The following SH3RF3 variants were observed in gnomAD, a reference collection of about 807,000 sequenced individuals.
SH3RF3 encodes the protein E3 ubiquitin-protein ligase SH3RF3.
Under a neutral mutation model 66.3 loss-of-function variants are expected in SH3RF3, and 29 were observed. That is an observed-to-expected ratio of 0.44 (90% confidence interval 0.33 to 0.60). SH3RF3 has a LOEUF of 0.60. Ranked by LOEUF, SH3RF3 falls within the 20% of genes least tolerant of loss-of-function variation. The pLI is 0.04. For synonymous variants in SH3RF3, 583 were observed against 532.0 expected, an observed-to-expected ratio of 1.10 and a Z score of -1.32; for missense variants, 1,194 against 1,190.9, an observed-to-expected ratio of 1.00 and a Z score of -0.04.
chr2:109,496,849 G>T (rs1679274284), intron 9 of SH3RF3, among the ~76,000 whole-genome samples: 2 of 152,208 alleles, frequency 1.3e-5, no homozygotes, highest in South Asian at 4.1e-4. Flanking sequence ...GATTACCCGG[G>T]ATTATCCAGG....
intron 1 of SH3RF3, among the ~76,000 whole-genome samples, chr2:109,237,790 A>G (rs111738161): frequency 1.1e-3 from 165 of 152,332 alleles, no homozygotes; most frequent in African/African-American, 3.7e-3. Context: ...CTGAAAACAA[A>G]CACAAAAAAC....
chr2:109,469,831 C>A (rs530102836), intron 8 of SH3RF3, among the ~76,000 whole-genome samples: 1 of 152,266 alleles, frequency 6.6e-6, no homozygotes, highest in East Asian at 1.9e-4. Flanking sequence ...TTTTTCCAGC[C>A]GTTGGTTATG....
In SH3RF3 at chr2:109,461,084, T is replaced by C. The variant is rs114736115; in HGVS notation, c.2148+11595T>C. Among the ~76,000 whole-genome samples the C allele has an allele frequency of 4.7e-3, 722 of 152,312 alleles. 4 individuals carry two copies. Among genetic ancestry groups the C allele is most frequent in the African/African-American group, 0.017 (690 of 41,564 alleles). ...GGCAGCATAGCAGGAGTGGTGACCA[T>C]AGGCATTTTAGGCCACTTCCTCATG... On this transcript the variant is annotated intron_variant, in intron 8 of 9. Coordinates refer to ENST00000309415, the MANE Select transcript of SH3RF3 (RefSeq NM_001099289.3).
At chr2:109,273,936 A>G (rs1446587821) in intron 1 of SH3RF3, among the ~76,000 whole-genome samples, 1 of 152,160 alleles carries the variant, frequency 6.6e-6, no homozygotes, top group Admixed American at 6.5e-5. Context: ...TGCTTGCTTT[A>G]GGGCTATGTG....
intron 4 of SH3RF3, among the ~76,000 whole-genome samples, chr2:109,402,607 C>T (rs1422493028): frequency 1.3e-5 from 2 of 152,230 alleles, no homozygotes; most frequent in Non-Finnish European, 2.9e-5. Flanking sequence ...CCCTGCCTCT[C>T]ACAGTCCCCT....
chr2:109,194,584 TG>T (rs759864833), intron 1 of SH3RF3, among the ~76,000 whole-genome samples: 11 of 152,126 alleles, frequency 7.2e-5, no homozygotes, highest in Non-Finnish European at 1.6e-4. Flanking sequence ...GCGGGCGGGC[TG>T]GGTAGGGAGG....
chr2:109,401,579 C>G (rs984963687), intron 4 of SH3RF3, among the ~76,000 whole-genome samples: 7 of 152,220 alleles, frequency 4.6e-5, no homozygotes, highest in Non-Finnish European at 7.3e-5. Context: ...CCTCGGTGTT[C>G]CTTGGAGTTC....
At chr2:109,462,015 A>C (rs566575982) in intron 8 of SH3RF3, among the ~76,000 whole-genome samples, 29 of 152,050 alleles carry the variant, frequency 1.9e-4, no homozygotes, top group Admixed American at 5.2e-4. Flanking sequence ...GTGTGCCCCC[A>C]CACCACCAAA....
chr2:109,230,502 C>T (rs1405673387), intron 1 of SH3RF3, among the ~76,000 whole-genome samples: 1 of 152,092 alleles, frequency 6.6e-6, no homozygotes, highest in East Asian at 1.9e-4. Flanking sequence ...ATTGCTTGAA[C>T]CTAGTAGGTA....
chr2:109,204,994 A>G (rs10192249), intron 1 of SH3RF3, among the ~76,000 whole-genome samples: 123,811 of 152,102 alleles, frequency 0.81, 50,464 homozygotes, highest in East Asian at 0.9. Context: ...GATCACTTGA[A>G]GCCAGGAGGT....
chr2:109,173,495 G>C lies in SH3RF3; in HGVS notation c.573+43382G>C, dbSNP rs191105171. On this transcript the variant is annotated intron_variant, in intron 1 of 9. Coordinates refer to ENST00000309415, the MANE Select transcript of SH3RF3 (RefSeq NM_001099289.3). ...TTACCCACAGGCAGATTTAAGGCTG[G>C]GGTTGGCACACTGCCTGCAGGCTAT... Among the ~76,000 whole-genome samples, 11 of 152,300 alleles carry C rather than the reference G, an allele frequency of 7.2e-5. No homozygotes were observed. The East Asian group carries it at 2.1e-3, about 29-fold the overall frequency.
rs570433617 is a variant in SH3RF3 at position 109,486,461 on chromosome 2, A to G, written c.2149-4144A>G. On this transcript the variant is annotated intron_variant, in intron 8 of 9. Transcript: ENST00000309415. ...GACAAAAATATATTGGGAACTAACT[A>G]GGTCCTAGGTATTTCGTAAACTATT... Among the ~76,000 whole-genome samples, 4 of 152,352 alleles carry G rather than the reference A, an allele frequency of 2.6e-5. No individual in the cohort carries two copies. The South Asian group carries it at 8.3e-4, about 32-fold the overall frequency.
intron 1 of SH3RF3, among the ~76,000 whole-genome samples, chr2:109,264,751 T>C (rs891422): frequency 0.75 from 114,771 of 152,206 alleles, 43,815 homozygotes; most frequent in East Asian, 0.89. Flanking sequence ...CCAGGCCCAC[T>C]GGGCGGGCAT....
rs752465218 is a variant in SH3RF3 at position 109,436,911 on chromosome 2, A to G, written c.1593A>G (p.Ala531=). 5.0e-6 allele frequency: 8 copies of G among 1,613,520 alleles called. No homozygotes were observed. The highest frequency in any genetic ancestry group is 2.2e-5 in the East Asian group (1 of 44,880). The change falls in exon 7 of 10, where the codon GCA becomes GCG. Residue 531 remains alanine, a synonymous_variant. Transcript: ENST00000309415. The part of the protein sequence containing the change: ...TPVSRVPAGG[A]GPPRNNVVGG... ...TCCACAGGGTGCCTGCAGGAGGGGC[A>G]GGGCCGCCCCGGAATAATGTAGTCG...
At chr2:109,215,004 A>ACTTCTT (rs1679075188) in intron 1 of SH3RF3, among the ~76,000 whole-genome samples, 2 of 152,220 alleles carry the variant, frequency 1.3e-5, no homozygotes, top group African/African-American at 4.8e-5. Context: ...GCAGAGTAAG[A>ACTTCTT]TCTCAAATAA....
At chr2:109,455,159 TGTG>T (rs1457073088) in intron 8 of SH3RF3, among the ~76,000 whole-genome samples, 16 of 152,172 alleles carry the variant, frequency 1.1e-4, no homozygotes, top group Non-Finnish European at 4.4e-5. Flanking sequence ...AAGTGCTGAC[TGTG>T]GTGGCCTCCT....
chr2:109,234,231 C>A (rs1239367939), intron 1 of SH3RF3, among the ~76,000 whole-genome samples: 1 of 152,174 alleles, frequency 6.6e-6, no homozygotes, highest in Admixed American at 6.5e-5. Flanking sequence ...AGTTACTTTT[C>A]TGAATGGACT....
At chr2:109,477,169 G>A (rs976261758) in intron 8 of SH3RF3, among the ~76,000 whole-genome samples, 13 of 152,144 alleles carry the variant, frequency 8.5e-5, no homozygotes, top group Non-Finnish European at 8.8e-5. Context: ...CTGAATGACC[G>A]TTGGCCTAGG....
intron 1 of SH3RF3, among the ~76,000 whole-genome samples, chr2:109,142,288 A>G (rs1676973002): frequency 6.6e-6 from 1 of 152,090 alleles, no homozygotes; most frequent in East Asian, 1.9e-4. Context: ...TGGTGTTCTC[A>G]GGAATAGGTG....
Sources: allele counts gnomAD v4.1 joint callset (sites outside exome capture counted in the v4.1 genomes callset), GRCh38; gene constraint gnomAD v4.1.1; transcripts MANE v1.5; gene names NCBI Gene and HGNC (gene_info 2026-07-23, HGNC 2026-07-21).